Variants in SPTLC2 observed in about 807,000 individuals in gnomAD.
The protein encoded by SPTLC2 is serine palmitoyltransferase 2.
A neutral mutation model predicts 62.0 loss-of-function variants in SPTLC2; 21 were observed. That is an observed-to-expected ratio of 0.34 (90% CI 0.24 to 0.49). The LOEUF (loss-of-function observed/expected upper bound fraction) is 0.49. Ranked by LOEUF, SPTLC2 falls within the 20% of genes least tolerant of loss-of-function variation. SPTLC2 has a pLI of 0.99. For missense variants in SPTLC2, 511 were observed against 713.0 expected, an observed-to-expected ratio of 0.72 and a Z score of 3.23; for synonymous variants, 261 against 261.8, an observed-to-expected ratio of 1.00 and a Z score of 0.03.
intron 7 of SPTLC2, among the ~76,000 whole-genome samples, chr14:77,556,691 C>T (rs1288368886): frequency 6.6e-6 from 1 of 151,664 alleles, no homozygotes; most frequent in African/African-American, 2.4e-5. Flanking sequence ...TGCACTCAGC[C>T]TAAAATAAAA....
intron 9 of SPTLC2, among the ~76,000 whole-genome samples, chr14:77,527,434 C>T (rs1185501952): frequency 2.0e-5 from 3 of 152,116 alleles, no homozygotes; most frequent in African/African-American, 7.2e-5. Flanking sequence ...CAATTATCTA[C>T]CTACTGATAA....
chr14:77,514,631 A>G (rs925675309), intron 11 of SPTLC2, among the ~76,000 whole-genome samples: 1 of 152,264 alleles, frequency 6.6e-6, no homozygotes, highest in African/African-American at 2.4e-5. Context: ...ATTTTAAAAA[A>G]TAACAAAATT....
intron 1 of SPTLC2, among the ~76,000 whole-genome samples, chr14:77,601,060 G>C (rs1006851930): frequency 6.6e-6 from 1 of 152,118 alleles, no homozygotes; most frequent in East Asian, 1.9e-4. Flanking sequence ...TAAGGAGTAG[G>C]GTGGGACAAG....
chr14:77,605,009 C>T (rs995201521), intron 1 of SPTLC2, among the ~76,000 whole-genome samples: 69 of 151,806 alleles, frequency 4.5e-4, no homozygotes, highest in African/African-American at 1.6e-3. Context: ...AACATTTGGC[C>T]TATTTATTTA....
At chr14:77,585,400 G>A (rs2140046232) in intron 2 of SPTLC2, among the ~76,000 whole-genome samples, 1 of 152,120 alleles carries the variant, frequency 6.6e-6, no homozygotes, top group East Asian at 1.9e-4. Context: ...TAGTGGTAGT[G>A]TTACTACTAA....
intron 6 of SPTLC2, chr14:77,557,431 A>C (rs1006127348): frequency 1.4e-5 from 6 of 430,438 alleles, no homozygotes; most frequent in African/African-American, 1.2e-4. Context: ...CTCATGTTAA[A>C]TACCCTGCCA....
At chr14:77,558,619 T>A (rs992284028) in intron 6 of SPTLC2, among the ~76,000 whole-genome samples, 1 of 100,988 alleles carries the variant, frequency 9.9e-6, no homozygotes, top group African/African-American at 3.1e-5. Context: ...AAGCCTCCAG[T>A]TTTTTTGTTT....
At chr14:77,540,992 T>C (rs1453347507) in intron 9 of SPTLC2, among the ~76,000 whole-genome samples, 1 of 152,084 alleles carries the variant, frequency 6.6e-6, no homozygotes, top group Non-Finnish European at 1.5e-5. Flanking sequence ...GTAACTGTAC[T>C]CAGAAGGTAT....
chr14:77,547,760 G>A (rs2299915), intron 9 of SPTLC2: 29,374 of 151,766 alleles, frequency 0.19, 2,926 homozygotes, highest in East Asian at 0.31. Context: ...GTGCAGACAC[G>A]TCTCTGGCAC....
At chr14:77,595,685 CTT>C (rs1329410864) in intron 2 of SPTLC2, among the ~76,000 whole-genome samples, 1 of 152,160 alleles carries the variant, frequency 6.6e-6, no homozygotes, top group Non-Finnish European at 1.5e-5. Flanking sequence ...GTGATATACT[CTT>C]CCCATTTGCA....
At chr14:77,529,620 C>CTTTCTTTCTTTTTTTTTTTTTTTTTTT (rs1555373703) in intron 9 of SPTLC2, among the ~76,000 whole-genome samples, 2 of 76,048 alleles carry the variant, frequency 2.6e-5, no homozygotes, top group African/African-American at 8.1e-5. Flanking sequence ...TTCTTTCTTT[C>CTTTCTTTCTTTTTTTTTTTTTTTTTTT]TTTTTTTTTT....
intron 9 of SPTLC2, among the ~76,000 whole-genome samples, chr14:77,528,769 A>G (rs1405941902): frequency 6.6e-6 from 1 of 152,092 alleles, no homozygotes; most frequent in Non-Finnish European, 1.5e-5. Context: ...ACAATTTTTT[A>G]TAAGAATTGA....
At chr14:77,513,383 T>TA (rs1316169753) in intron 11 of SPTLC2, among the ~76,000 whole-genome samples, 1 of 152,180 alleles carries the variant, frequency 6.6e-6, no homozygotes, top group Admixed American at 6.5e-5. Context: ...ACTGATGTAT[T>TA]GTAGCACAAG....
chr14:77,600,157 G>A (rs145345449), intron 1 of SPTLC2, among the ~76,000 whole-genome samples: 9 of 152,300 alleles, frequency 5.9e-5, no homozygotes, highest in Non-Finnish European at 1.2e-4. Flanking sequence ...AATTCATACT[G>A]TAGGCTGGAC....
chr14:77,572,220 C>T (rs1053701589), intron 4 of SPTLC2, among the ~76,000 whole-genome samples: 1 of 151,796 alleles, frequency 6.6e-6, no homozygotes, highest in Non-Finnish European at 1.5e-5. Flanking sequence ...GTTAGAAACT[C>T]TGTTTTAAAG....
At chr14:77,608,807 A>C (rs1165594484) in intron 1 of SPTLC2, among the ~76,000 whole-genome samples, 1 of 151,890 alleles carries the variant, frequency 6.6e-6, no homozygotes, top group Non-Finnish European at 1.5e-5. Context: ...TAATTCCAGC[A>C]CTTTGGGAGG....
At chr14:77,566,623 G>A (rs1432945097) in intron 5 of SPTLC2, among the ~76,000 whole-genome samples, 3 of 152,002 alleles carry the variant, frequency 2.0e-5, no homozygotes, top group African/African-American at 7.3e-5. Context: ...CTGCCACTAC[G>A]CCTAATTTTT....
chr14:77,527,717 T>C (rs1488601540), intron 9 of SPTLC2, among the ~76,000 whole-genome samples: 2 of 143,602 alleles, frequency 1.4e-5, no homozygotes, highest in Non-Finnish European at 3.0e-5. Context: ...TTCTATAAAT[T>C]TTCTGAACGC....
intron 9 of SPTLC2, among the ~76,000 whole-genome samples, chr14:77,548,962 T>C (rs2079542678): frequency 6.6e-6 from 1 of 152,192 alleles, no homozygotes; most frequent in South Asian, 2.1e-4. Context: ...ACCAGGTACT[T>C]AATGTACTCT....
Sources: allele counts gnomAD v4.1 joint callset (sites outside exome capture counted in the v4.1 genomes callset), GRCh38; gene constraint gnomAD v4.1.1; transcripts MANE v1.5; gene names NCBI Gene and HGNC (gene_info 2026-07-23, HGNC 2026-07-21).